The following CXorf58 variants were observed in gnomAD, a reference collection of about 807,000 sequenced individuals.
CXorf58 encodes the protein chromosome X open reading frame 58.
In CXorf58, 24 loss-of-function variants were observed where a neutral mutation model predicts 26.0. The ratio of observed to expected loss-of-function variants is 0.92; its 90% CI spans 0.67 to 1.30. The LOEUF (loss-of-function observed/expected upper bound fraction) is 1.30. Ranked by LOEUF, CXorf58 falls within the 50% of genes most tolerant of loss-of-function variation. The probability of loss-of-function intolerance (pLI) is 0.00; values close to 1 mark genes in which losing one functional copy is unlikely to be tolerated. For synonymous variants in CXorf58, 87 were observed against 86.1 expected (o/e 1.01, Z -0.06); for missense variants, 236 against 263.9 (o/e 0.89, Z 0.73).
intron 5 of CXorf58, among the ~76,000 whole-genome samples, chrX:23,925,951 G>A (rs1373173768): frequency 9.4e-6 from 1 of 106,720 alleles, no homozygotes; most frequent in Non-Finnish European, 1.9e-5. Flanking sequence ...ACCACGCCTG[G>A]CTAATTTTTG....
intron 3 of CXorf58, among the ~76,000 whole-genome samples, chrX:23,913,962 A>G (rs1466162173): frequency 8.9e-6 from 1 of 111,766 alleles, no homozygotes; most frequent in Non-Finnish European, 1.9e-5. Context: ...TGGAACTTGT[A>G]TTTAATTTTA....
chrX:23,913,013 G>T (rs1474613412), intron 3 of CXorf58, among the ~76,000 whole-genome samples: 1 of 109,292 alleles, frequency 9.1e-6, no homozygotes, highest in African/African-American at 3.3e-5. Flanking sequence ...ACAGTATGAA[G>T]AGCATGATCC....
At position 23,908,016 on chromosome X, in the gene CXorf58, C is replaced by T. The variant is rs762395012; in HGVS notation, c.-334C>T. Reference sequence around the variant, plus strand: ...AAGCGCCGGCTCTGTGTGGACGGTACGCGGAGGCGCGAGGAGGGAGGCGCC... The same window carrying T: ...AAGCGCCGGCTCTGTGTGGACGGTATGCGGAGGCGCGAGGAGGGAGGCGCC... On this transcript the variant is annotated 5_prime_UTR_variant, in exon 1 of 9. In the 5' UTR this introduces an upstream ATG that the reference lacks. Coordinates refer to ENST00000379211, the MANE Select transcript of CXorf58 (RefSeq NM_152761.3). The T allele has an allele frequency of 9.6e-4, 216 of 224,275 alleles. 1 individual carries two copies. Among genetic ancestry groups the T allele is most frequent in the Non-Finnish European group, 5.1e-4 (64 of 124,514 alleles). The allele number at this position is 224,275 out of a possible 1,213,427, so 18.5% of individuals were successfully genotyped here. A position where few individuals can be genotyped will look rare whatever the true frequency, so the allele number is the denominator to read the frequency against.
Position 23,925,567 on chromosome X carries a change from C to T in CXorf58, c.424-1672C>T, listed in dbSNP as rs1927984359. On this transcript the variant is annotated intron_variant, in intron 5 of 8. Coordinates refer to ENST00000379211, the MANE Select transcript of CXorf58 (RefSeq NM_152761.3). ...TTTGCCATGTTTGCCAGGCTGATCT[C>T]GAACTCCTGACCTCAGGCGATCCGC... Among the ~76,000 whole-genome samples, 5 of 108,707 alleles carry T rather than the reference C, an allele frequency of 4.6e-5. No individual in the cohort carries two copies. In the Admixed American group the frequency reaches 5.0e-4, roughly 11 times the overall value. The allele number at this position is 108,707 out of a possible 115,157, so 94.4% of individuals were successfully genotyped here.
chrX:23,930,114 G>C (rs184955357), intron 6 of CXorf58, among the ~76,000 whole-genome samples: 36 of 98,919 alleles, frequency 3.6e-4, no homozygotes, highest in African/African-American at 1.2e-3. Context: ...GGAGAATGGC[G>C]TGAACCCAGG....
At chrX:23,933,195 T>C (rs1488678465) in intron 6 of CXorf58, among the ~76,000 whole-genome samples, 1 of 108,568 alleles carries the variant, frequency 9.2e-6, no homozygotes, top group Non-Finnish European at 1.9e-5. Context: ...TGTGTATGTG[T>C]GTGAGTGTGT....
At chrX:23,917,305 A>G (rs1458724498) in intron 5 of CXorf58, among the ~76,000 whole-genome samples, 1 of 103,192 alleles carries the variant, frequency 9.7e-6, no homozygotes, top group African/African-American at 3.5e-5. Context: ...ACTGCACCCC[A>G]GCCTGGGCAA....
intron 5 of CXorf58, among the ~76,000 whole-genome samples, chrX:23,923,513 C>T (rs773873541): frequency 6.2e-4 from 68 of 109,638 alleles, no homozygotes; most frequent in Non-Finnish European, 1.2e-3. Context: ...GTGGCACGCA[C>T]CTGTAGTCCC....
chrX:23,919,062 A>C (rs1490136594), intron 5 of CXorf58, among the ~76,000 whole-genome samples: 1 of 111,420 alleles, frequency 9.0e-6, no homozygotes, highest in East Asian at 2.8e-4. Context: ...CTTTGGGTTA[A>C]ATCTGCTTGG....
chrX:23,909,279 A>C (rs1290484488), intron 1 of CXorf58, among the ~76,000 whole-genome samples: 2 of 111,816 alleles, frequency 1.8e-5, no homozygotes, highest in East Asian at 5.6e-4. Flanking sequence ...ATTTTCACTA[A>C]CCTCTAACTG....
At chrX:23,918,428 AT>A (rs1428202613) in intron 5 of CXorf58, among the ~76,000 whole-genome samples, 2 of 112,261 alleles carry the variant, frequency 1.8e-5, no homozygotes, top group Non-Finnish European at 3.8e-5. Context: ...AAACAAAAAA[AT>A]AACAAACAAG....
At chrX:23,926,786 G>A (rs1295037018) in intron 5 of CXorf58, among the ~76,000 whole-genome samples, 1 of 112,206 alleles carries the variant, frequency 8.9e-6, no homozygotes, top group Admixed American at 9.5e-5. Context: ...TTGGGAGGCC[G>A]AGGTGAGCGG....
chrX:23,916,280 T>C lies in CXorf58; in HGVS notation c.375T>C (p.His125=). The change falls in exon 5 of 9, where the codon CAT becomes CAC. Residue 125 remains histidine, a synonymous_variant. Coordinates refer to ENST00000379211, the MANE Select transcript of CXorf58 (RefSeq NM_152761.3). The part of the protein sequence containing the change: ...VFKIFLHTDG[H]GYKYFSGKNV... ...AAATTTTTCTTCATACTGATGGCCATGGTTACAAGTATTTTAGTGGAAAAA... is the reference window on the plus strand; with the variant it reads ...AAATTTTTCTTCATACTGATGGCCACGGTTACAAGTATTTTAGTGGAAAAA... 1 of 1,201,407 alleles carries C rather than the reference T, an allele frequency of 8.3e-7. No individual in the cohort carries two copies.
At chrX:23,938,187 C>T (rs190824171) in intron 7 of CXorf58, among the ~76,000 whole-genome samples, 2 of 111,094 alleles carry the variant, frequency 1.8e-5, no homozygotes, top group East Asian at 2.8e-4. Context: ...TGCGCCTGGA[C>T]GAAATGTAAT....
intron 5 of CXorf58, among the ~76,000 whole-genome samples, chrX:23,918,111 C>T (rs759355198): frequency 5.4e-5 from 6 of 111,974 alleles, no homozygotes; most frequent in Non-Finnish European, 1.1e-4. Context: ...CATTCAGCCA[C>T]TCTATATCTT....
intron 8 of CXorf58, 64 bp downstream of exon 8, chrX:23,938,764 G>A (rs993183124): frequency 8.8e-5 from 69 of 781,408 alleles, no homozygotes; most frequent in Non-Finnish European, 1.2e-4. Context: ...TAAAGTAGCT[G>A]TACTTACGTA....
chrX:23,930,213 A>AAG (rs1204194325), intron 6 of CXorf58, among the ~76,000 whole-genome samples: 6 of 106,899 alleles, frequency 5.6e-5, no homozygotes, highest in East Asian at 2.9e-4. Context: ...AAAAAAAAAA[A>AAG]AAAAGAAAAA....
intron 6 of CXorf58, among the ~76,000 whole-genome samples, chrX:23,930,603 CAA>C (rs35152285): frequency 1.6e-4 from 12 of 76,086 alleles, no homozygotes; most frequent in East Asian, 4.8e-4. Context: ...GACCCTGTCT[CAA>C]AAAAAAAAAA....
In CXorf58 at chrX:23,916,336, T is replaced by A; in HGVS notation, c.423+8T>A. The A allele has an allele frequency of 9.6e-7, 1 of 1,037,441 alleles. No individual in the cohort carries two copies. Among genetic ancestry groups the A allele is most frequent in the Non-Finnish European group, 1.3e-6 (1 of 741,432 alleles). The allele number at this position is 1,037,441 out of a possible 1,213,427, so 85.5% of individuals were successfully genotyped here. ...TTAATGCCGTCAAGTAAGGTGACGTTTCATGATGTACATTTTATGTTAACT... is the reference window on the plus strand; with the variant it reads ...TTAATGCCGTCAAGTAAGGTGACGTATCATGATGTACATTTTATGTTAACT... On this transcript the variant is annotated splice_region_variant and intron_variant, in intron 5 of 8. Transcript: ENST00000379211.
Sources: allele counts gnomAD v4.1 joint callset (sites outside exome capture counted in the v4.1 genomes callset), GRCh38; gene constraint gnomAD v4.1.1; transcripts MANE v1.5; gene names NCBI Gene and HGNC (gene_info 2026-07-23, HGNC 2026-07-21).